Variants in RNF144B observed in about 807,000 individuals in gnomAD.
The protein encoded by RNF144B is E3 ubiquitin-protein ligase RNF144B.
A neutral mutation model predicts 40.2 loss-of-function variants in RNF144B; 25 were observed. The ratio of observed to expected loss-of-function variants is 0.62; its 90% confidence interval spans 0.45 to 0.87. The LOEUF is 0.87. RNF144B is among the 40% of genes least tolerant of loss of function. The pLI is 0.00. For missense variants in RNF144B, 365 were observed against 373.7 expected, an observed-to-expected ratio of 0.98 and a Z score of 0.19; for synonymous variants, 145 against 136.3, an observed-to-expected ratio of 1.06 and a Z score of -0.44.
At chr6:18,393,508 T>C (rs1479734195) in intron 1 of RNF144B, among the ~76,000 whole-genome samples, 1 of 152,200 alleles carries the variant, frequency 6.6e-6, no homozygotes, top group Non-Finnish European at 1.5e-5. Flanking sequence ...ATTAGTACCA[T>C]TGGGTTCACT....
At chr6:18,440,436 G>C (rs16880738) in intron 4 of RNF144B, among the ~76,000 whole-genome samples, 23,645 of 152,096 alleles carry the variant, frequency 0.16, 1,945 homozygotes, top group South Asian at 0.23. Context: ...TCTCCCAGAA[G>C]TTATTGGACT....
rs912592927 is a variant in RNF144B, at chr6:18,466,011, A to C, written c.*944A>C. On this transcript the variant is annotated 3_prime_UTR_variant, in exon 8 of 8. Coordinates refer to ENST00000259939, the MANE Select transcript of RNF144B (RefSeq NM_182757.4). ...AAAGTGCGTATTATGTACATCTAGAATCCATGTGACTTGCAGCCTACCTGT... is the reference window on the plus strand; with the variant it reads ...AAAGTGCGTATTATGTACATCTAGACTCCATGTGACTTGCAGCCTACCTGT... 8 of 152,198 alleles carry C rather than the reference A, an allele frequency of 5.3e-5. No individual in the cohort carries two copies. Among genetic ancestry groups the C allele is most frequent in the African/African-American group, 1.7e-4 (7 of 41,452 alleles). The allele number at this position is 152,198 out of a possible 1,614,324, so 9.4% of individuals were successfully genotyped here.
intron 1 of RNF144B, among the ~76,000 whole-genome samples, chr6:18,393,346 G>A (rs571984821): frequency 1.8e-4 from 27 of 152,238 alleles, no homozygotes; most frequent in Non-Finnish European, 2.9e-4. Flanking sequence ...CTACAACACT[G>A]GCCACAAAGG....
At chr6:18,439,335 A>G (rs1301644532) in intron 3 of RNF144B, among the ~76,000 whole-genome samples, 3 of 152,194 alleles carry the variant, frequency 2.0e-5, no homozygotes, top group Admixed American at 6.5e-5. Context: ...TTAAATGAAG[A>G]TATAGAGAAA....
At position 18,405,037 on chromosome 6, in the gene RNF144B, C is replaced by T. The variant is rs1256950418; in HGVS notation, c.165+5338C>T. Among the ~76,000 whole-genome samples the T allele has an allele frequency of 2.0e-5, 3 of 152,136 alleles. No homozygotes were observed. The highest frequency in any genetic ancestry group is 1.9e-4 in the East Asian group (1 of 5,196). ...CAAATTCTCCAGCTCCAGATTCCCA[C>T]GTCTTCTACTACTATTAAATGGGCC... On this transcript the variant is annotated intron_variant, in intron 2 of 7. Coordinates refer to ENST00000259939, the MANE Select transcript of RNF144B (RefSeq NM_182757.4). This position sits in a 1 kb window ranked among gnomAD's most constrained non-coding sequence, Gnocchi z 4.5.
chr6:18,464,715 C>T lies in RNF144B; in HGVS notation c.772-212C>T, dbSNP rs759168635. Among the ~76,000 whole-genome samples, 1 of 152,156 alleles carries T rather than the reference C, an allele frequency of 6.6e-6. No individual in the cohort carries two copies. Among genetic ancestry groups the T allele is most frequent in the Non-Finnish European group, 1.5e-5 (1 of 68,032 alleles). On this transcript the variant is annotated intron_variant, in intron 7 of 7. Coordinates refer to ENST00000259939, the MANE Select transcript of RNF144B (RefSeq NM_182757.4). The surrounding 1 kb of genome is among the most constrained non-coding windows in gnomAD (Gnocchi z 6.1). ...TCTGGCATCTGTTCTTGTAAGAGCACCAATCCCATCATGAGGGCCCTGCCC... is the reference window on the plus strand; with the variant it reads ...TCTGGCATCTGTTCTTGTAAGAGCATCAATCCCATCATGAGGGCCCTGCCC...
rs1458268657 is a variant in RNF144B, at chr6:18,456,931, G to A, written c.332-224G>A. 6.6e-6 allele frequency among the ~76,000 whole-genome samples: 1 copy of A among 152,138 alleles called. No individual in the cohort carries two copies. Among genetic ancestry groups the A allele is most frequent in the Non-Finnish European group, 1.5e-5 (1 of 68,026 alleles). ...ACAAAAATGAGCCAGGCGTGATGGT[G>A]CGCACCTGTAGTCCCAGCTACTCGG... On this transcript the variant is annotated intron_variant, in intron 4 of 7. Transcript: ENST00000259939. This position sits in a 1 kb window ranked among gnomAD's most constrained non-coding sequence, Gnocchi z 4.7.
At position 18,457,410 on chromosome 6, in the gene RNF144B, T is replaced by A. The variant is rs1225059720; in HGVS notation, c.536+51T>A. On this transcript the variant is annotated intron_variant, in intron 5 of 7. Coordinates refer to ENST00000259939, the MANE Select transcript of RNF144B (RefSeq NM_182757.4). This position sits in a 1 kb window ranked among gnomAD's most constrained non-coding sequence, Gnocchi z 5.1. Reference sequence around the variant, plus strand: ...GATTATTCACTAGTTTTCTTAGAAATTCAACATACCTTACGTGTAGAAGGA... The same window carrying A: ...GATTATTCACTAGTTTTCTTAGAAAATCAACATACCTTACGTGTAGAAGGA... 7.3e-7 allele frequency: 1 copy of A among 1,368,700 alleles called. No individual in the cohort carries two copies. The highest frequency in any genetic ancestry group is 1.0e-6 in the Non-Finnish European group (1 of 956,110). The allele number at this position is 1,368,700 out of a possible 1,614,324, so 84.8% of individuals were successfully genotyped here.
In RNF144B at chr6:18,443,703, A is replaced by G. The variant is rs1170344885; in HGVS notation, c.331+3959A>G. On this transcript the variant is annotated intron_variant, in intron 4 of 7. Transcript: ENST00000259939. The surrounding 1 kb of genome is among the most constrained non-coding windows in gnomAD (Gnocchi z 4.7). Reference sequence around the variant, plus strand: ...ACATAATGGAATTTACATGATTGGGATACACTTTATCTAATTCTGTCTAAA... The same window carrying G: ...ACATAATGGAATTTACATGATTGGGGTACACTTTATCTAATTCTGTCTAAA... Among the ~76,000 whole-genome samples, 1 of 152,222 alleles carries G rather than the reference A, an allele frequency of 6.6e-6. No individual in the cohort carries two copies. The highest frequency in any genetic ancestry group is 1.9e-4 in the East Asian group (1 of 5,202).
Position 18,457,176 on chromosome 6 carries a change from G to A in RNF144B, c.353G>A (p.Arg118Gln), listed in dbSNP as rs763316689. The A allele has an allele frequency of 2.9e-5, 46 of 1,613,554 alleles. No individual in the cohort carries two copies. The East Asian group carries it at 7.6e-4, about 27-fold the overall frequency. Residue 118 changes from arginine (R) to glutamine (Q), a missense_variant, in exon 5 of 8, where the codon CGA becomes CAA. Physicochemically the swap from Arg to Gln is conservative, Grantham distance 43. Coordinates refer to ENST00000259939, the MANE Select transcript of RNF144B (RefSeq NM_182757.4). This position sits in a 1 kb window ranked among gnomAD's most constrained non-coding sequence, Gnocchi z 5.1. ...FEREVHLDPYRTWCPVADCQT... is the reference protein window; with the variant it reads ...FEREVHLDPYQTWCPVADCQT... ...TTAGAAGTTCATCTGGACCCCTACC[G>A]AACATGGTGTCCTGTTGCAGACTGT...
intron 4 of RNF144B, among the ~76,000 whole-genome samples, chr6:18,451,413 C>T (rs1461305143): frequency 6.6e-6 from 1 of 152,134 alleles, no homozygotes; most frequent in Non-Finnish European, 1.5e-5. Flanking sequence ...TCGAGGCTTA[C>T]TTACGATATG....
rs1490549647 is a variant in RNF144B, at chr6:18,400,216, T to C, written c.165+517T>C. ...TGAACCTGGGAGGCAGAGCTTGCAG[T>C]GAGCCGAGATCAGGCCACTGCACTC... On this transcript the variant is annotated intron_variant, in intron 2 of 7. Transcript: ENST00000259939. The surrounding 1 kb of genome is among the most constrained non-coding windows in gnomAD (Gnocchi z 5.6). 2.0e-5 allele frequency among the ~76,000 whole-genome samples: 3 copies of C among 148,852 alleles called. No individual in the cohort carries two copies. Among genetic ancestry groups the C allele is most frequent in the African/African-American group, 7.5e-5 (3 of 40,078 alleles).
In RNF144B at chr6:18,458,510, T is replaced by C. The variant is rs1051121361; in HGVS notation, c.537-1097T>C. Among the ~76,000 whole-genome samples, 2 of 152,166 alleles carry C rather than the reference T, an allele frequency of 1.3e-5. No individual in the cohort carries two copies. Among genetic ancestry groups the C allele is most frequent in the African/African-American group, 2.4e-5 (1 of 41,438 alleles). On this transcript the variant is annotated intron_variant, in intron 5 of 7. Coordinates refer to ENST00000259939, the MANE Select transcript of RNF144B (RefSeq NM_182757.4). The surrounding 1 kb of genome is among the most constrained non-coding windows in gnomAD (Gnocchi z 4.8). ...TAATACACATGGCAGGCATGTGCCC[T>C]CTTAGCCGGATTCAAACCACTGTTG... is the stretch of plus-strand genomic sequence containing the variant.
In RNF144B at chr6:18,387,580, A is replaced by T. The variant is rs1794479764; in HGVS notation, c.-87A>T. On this transcript the variant is annotated 5_prime_UTR_variant, in exon 1 of 8. Transcript: ENST00000259939. Reference sequence around the variant, plus strand: ...GCAGCCCGGACTGGCGGTGAGCGCGAGGGAGGCTACTGAGAAGCCCGGCGA... The same window carrying T: ...GCAGCCCGGACTGGCGGTGAGCGCGTGGGAGGCTACTGAGAAGCCCGGCGA... The T allele has an allele frequency of 7.5e-7, 1 of 1,325,406 alleles. No homozygotes were observed. The highest frequency in any genetic ancestry group is 9.9e-7 in the Non-Finnish European group (1 of 1,008,432). The allele number at this position is 1,325,406 out of a possible 1,614,324, so 82.1% of individuals were successfully genotyped here.
chr6:18,427,425 G>A (rs933259957), intron 2 of RNF144B, among the ~76,000 whole-genome samples, 156 bp from the exon 3 acceptor site: 1 of 152,126 alleles, frequency 6.6e-6, no homozygotes, highest in African/African-American at 2.4e-5. Context: ...CCAAAGTGAT[G>A]GCTCTTAGTA....
chr6:18,443,376 C>T lies in RNF144B; in HGVS notation c.331+3632C>T, dbSNP rs775618843. On this transcript the variant is annotated intron_variant, in intron 4 of 7. Transcript: ENST00000259939. The surrounding 1 kb of genome is among the most constrained non-coding windows in gnomAD (Gnocchi z 4.7). ...CTCCTGGGTTCAAGCGATTCTCCTG[C>T]CTCAGCCTCCCGAGTAGATGGGATT... Among the ~76,000 whole-genome samples the T allele has an allele frequency of 3.9e-5, 6 of 152,124 alleles. No homozygotes were observed. Among genetic ancestry groups the T allele is most frequent in the Non-Finnish European group, 7.3e-5 (5 of 68,036 alleles).
Position 18,391,173 on chromosome 6 carries a change from G to T in RNF144B, c.-37+3543G>T, listed in dbSNP as rs190675697. ...GACCCAAGAAATCAGCCTGGCTCTT[G>T]CTCTATAAGGCTCTTTGAAATACCA... On this transcript the variant is annotated intron_variant, in intron 1 of 7. Coordinates refer to ENST00000259939, the MANE Select transcript of RNF144B (RefSeq NM_182757.4). Among the ~76,000 whole-genome samples the T allele has an allele frequency of 4.9e-3, 746 of 152,240 alleles. 12 individuals are homozygous for T. Among genetic ancestry groups the T allele is most frequent in the Non-Finnish European group, 3.5e-3 (240 of 68,022 alleles).
At chr6:18,402,751 G>C (rs981448520) in intron 2 of RNF144B, among the ~76,000 whole-genome samples, 2 of 152,148 alleles carry the variant, frequency 1.3e-5, no homozygotes, top group African/African-American at 4.8e-5. Context: ...ATAACATCCA[G>C]GGAAAGGAAT....
Position 18,387,454 on chromosome 6 carries a change from G to C in RNF144B, c.-213G>C. ...CGCCTCCTCCCGACCCGTAGGTCTG[G>C]GAGCGCAAGTCCTGTTGCAGTCTTG... On this transcript the variant is annotated 5_prime_UTR_variant, in exon 1 of 8. Coordinates refer to ENST00000259939, the MANE Select transcript of RNF144B (RefSeq NM_182757.4). The C allele has an allele frequency of 8.1e-7, 1 of 1,239,936 alleles. No individual in the cohort carries two copies. Among genetic ancestry groups the C allele is most frequent in the Non-Finnish European group, 1.0e-6 (1 of 960,248 alleles). 76.8% of individuals were successfully genotyped at this position (1,239,936 alleles called of 1,614,324 possible).
Sources: allele counts gnomAD v4.1 joint callset (sites outside exome capture counted in the v4.1 genomes callset), GRCh38; gene constraint gnomAD v4.1.1; non-coding constraint Gnocchi (gnomAD v3.1); transcripts MANE v1.5; gene names NCBI Gene and HGNC (gene_info 2026-07-23, HGNC 2026-07-21).